KALRN: variants seen among roughly 807,000 people sequenced by gnomAD.
KALRN encodes kalirin RhoGEF kinase.
Under a neutral mutation model 353.7 loss-of-function variants are expected in KALRN, and 70 were observed. That is an observed-to-expected ratio of 0.20 (90% CI 0.16 to 0.24). KALRN has a LOEUF of 0.24. Among genes scored for constraint, KALRN ranks in the 10% least tolerant of loss-of-function variants. The pLI is 1.00. For missense variants in KALRN, 2,791 were observed against 3,756.7 expected, an observed-to-expected ratio of 0.74 and a Z score of 6.72; for synonymous variants, 1,391 against 1,434.8, an observed-to-expected ratio of 0.97 and a Z score of 0.69.
At chr3:124,474,482 A>G (rs1233358577) in intron 25 of KALRN, among the ~76,000 whole-genome samples, 181 bp from the exon 26 acceptor site, 3 of 152,242 alleles carry the variant, frequency 2.0e-5, no homozygotes, top group Non-Finnish European at 4.4e-5. Flanking sequence ...TTAATCAATT[A>G]ACATACATTT....
intron 1 of KALRN, among the ~76,000 whole-genome samples, chr3:124,145,196 A>G (rs920044635): frequency 6.6e-6 from 1 of 152,170 alleles, no homozygotes; most frequent in African/African-American, 2.4e-5. Flanking sequence ...CTCCAGACCT[A>G]TCCTCCTCCC....
At position 124,624,618 on chromosome 3, in the gene KALRN, T is replaced by A. The variant is rs1195770247; in HGVS notation, c.5183-7802T>A. Among the ~76,000 whole-genome samples, 2 of 152,220 alleles carry A rather than the reference T, an allele frequency of 1.3e-5. 1 individual carries two copies. The highest frequency in any genetic ancestry group is 4.1e-4 in the South Asian group (2 of 4,836). On this transcript the variant is annotated intron_variant, in intron 34 of 59. Transcript: ENST00000682506. ...ACCCCCAAGATGGTATCTGAGACCA[T>A]AATCTCAACAGTTGTTCAATTACCT... is the stretch of plus-strand genomic sequence containing the variant.
intron 1 of KALRN, among the ~76,000 whole-genome samples, chr3:124,206,860 A>G (rs1287307185): frequency 1.4e-5 from 2 of 145,568 alleles, no homozygotes; most frequent in Non-Finnish European, 2.9e-5. Flanking sequence ...TTAGTCACTT[A>G]TTATTGTCTA....
At chr3:124,089,986 C>G (rs2061021477) in intron 1 of KALRN, among the ~76,000 whole-genome samples, 1 of 152,118 alleles carries the variant, frequency 6.6e-6, no homozygotes, top group Non-Finnish European at 1.5e-5. Flanking sequence ...ATCATAAATA[C>G]CTTGGATGGG....
intron 34 of KALRN, among the ~76,000 whole-genome samples, chr3:124,580,808 G>A (rs1201836937): frequency 6.6e-6 from 1 of 152,030 alleles, no homozygotes; most frequent in Non-Finnish European, 1.5e-5. Context: ...TCCCCATGTT[G>A]TTTGAGATTT....
chr3:124,516,840 C>T (rs1049636555), intron 33 of KALRN, among the ~76,000 whole-genome samples: 2 of 151,584 alleles, frequency 1.3e-5, no homozygotes, highest in African/African-American at 4.9e-5. Flanking sequence ...GTACATGAGA[C>T]GGAGTCTCAC....
intron 14 of KALRN, among the ~76,000 whole-genome samples, chr3:124,417,080 T>C (rs1415826261): frequency 6.6e-6 from 1 of 152,122 alleles, no homozygotes; most frequent in Admixed American, 6.5e-5. Context: ...AGGAATAGAG[T>C]AAACAGGAGC....
chr3:124,215,356 G>T (rs1051846239), intron 1 of KALRN, among the ~76,000 whole-genome samples: 5 of 152,172 alleles, frequency 3.3e-5, no homozygotes, highest in Non-Finnish European at 5.9e-5. Flanking sequence ...TAGCTTACTG[G>T]TATGCAGTGG....
intron 10 of KALRN, among the ~76,000 whole-genome samples, chr3:124,355,913 C>T (rs1214134949): frequency 2.0e-5 from 3 of 151,976 alleles, no homozygotes; most frequent in Non-Finnish European, 4.4e-5. Context: ...TGGGGTTTCA[C>T]CATGTTGGCC....
intron 4 of KALRN, among the ~76,000 whole-genome samples, chr3:124,266,388 TC>T (rs2073551979): frequency 6.6e-6 from 1 of 152,216 alleles, no homozygotes; most frequent in Admixed American, 6.5e-5. Flanking sequence ...TTTATTTTTT[TC>T]AAGGATGATG....
chr3:124,274,208 G>A (rs776125922), intron 5 of KALRN, among the ~76,000 whole-genome samples: 2 of 152,172 alleles, frequency 1.3e-5, no homozygotes, highest in Non-Finnish European at 2.9e-5. Flanking sequence ...AAGTCCACAC[G>A]TCTACCTCCC....
intron 1 of KALRN, among the ~76,000 whole-genome samples, chr3:124,105,523 C>T (rs753215256): frequency 5.9e-5 from 9 of 151,972 alleles, no homozygotes; most frequent in South Asian, 2.1e-4. Context: ...AAGAGAGATA[C>T]GAAGAGTATT....
intron 42 of KALRN, 69 bp downstream of exon 42, chr3:124,658,586 A>T (rs901070008): frequency 2.8e-5 from 32 of 1,147,228 alleles, no homozygotes; most frequent in Non-Finnish European, 4.0e-5. Context: ...ACTTTCAGAA[A>T]TACCAGACGT....
intron 1 of KALRN, among the ~76,000 whole-genome samples, chr3:124,130,657 CAAA>C (rs1171881738): frequency 6.6e-6 from 1 of 151,936 alleles, no homozygotes; most frequent in Non-Finnish European, 1.5e-5. Context: ...CATCTAAAAA[CAAA>C]AACAAAAGCA....
intron 5 of KALRN, among the ~76,000 whole-genome samples, chr3:124,275,225 A>G (rs2074580845): frequency 6.6e-6 from 1 of 152,100 alleles, no homozygotes; most frequent in Non-Finnish European, 1.5e-5. Flanking sequence ...ACTTCTGAGG[A>G]GATGTACCAG....
intron 1 of KALRN, among the ~76,000 whole-genome samples, chr3:124,064,792 A>G (rs542956468): frequency 6.6e-6 from 1 of 152,280 alleles, no homozygotes; most frequent in South Asian, 2.1e-4. Context: ...TTTCTTTCCA[A>G]CTTGATACCC....
At chr3:124,695,486 G>A (rs907562486) in intron 53 of KALRN, among the ~76,000 whole-genome samples, 2 of 152,174 alleles carry the variant, frequency 1.3e-5, no homozygotes, top group Non-Finnish European at 2.9e-5. Context: ...AGTGTGAGAC[G>A]CAGTGGTTGG....
chr3:124,515,894 A>G (rs947542216), intron 33 of KALRN, among the ~76,000 whole-genome samples: 5 of 152,226 alleles, frequency 3.3e-5, no homozygotes, highest in Non-Finnish European at 7.3e-5. Flanking sequence ...AGTGGGCTAT[A>G]TAAAATAATG....
At position 124,674,493 on chromosome 3, in the gene KALRN, A is replaced by G. The variant is rs145164918; in HGVS notation, c.7072A>G (p.Met2358Val). ...GGTCCTCGCCGTCAACCAGCAGAACATGTGTCTGGTGTACCAGCCTGCCAG... is the reference window on the plus strand; with the variant it reads ...GGTCCTCGCCGTCAACCAGCAGAACGTGTGTCTGGTGTACCAGCCTGCCAG... ...VQVLAVNQQNMCLVYQPASDH... is the reference protein window; with the variant it reads ...VQVLAVNQQNVCLVYQPASDH... Residue 2358 changes from methionine (M) to valine (V), a missense_variant, in exon 49 of 60, where the codon ATG becomes GTG. This residue lies in a region of KALRN where 1,065 missense variants were observed against 1,156.4 expected (regional missense o/e 0.92). Transcript: ENST00000682506. 7 of 1,613,874 alleles carry G rather than the reference A, an allele frequency of 4.3e-6. No homozygotes were observed. In the Admixed American group the frequency reaches 6.7e-5, roughly 15 times the overall value.
Sources: allele counts gnomAD v4.1 joint callset (sites outside exome capture counted in the v4.1 genomes callset), GRCh38; gene constraint gnomAD v4.1.1; regional missense constraint gnomAD v4.1.1; transcripts MANE v1.5; gene names NCBI Gene and HGNC (gene_info 2026-07-23, HGNC 2026-07-21).